SLC30A6: variants seen among roughly 807,000 people sequenced by gnomAD.
SLC30A6 encodes the protein solute carrier family 30 member 6.
A neutral mutation model predicts 63.0 loss-of-function variants in SLC30A6; 55 were observed. The observed-to-expected ratio is 0.87, with a 90% CI of 0.70 to 1.09. The LOEUF (loss-of-function observed/expected upper bound fraction) is 1.09, where lower values mean the gene tolerates loss of function less well. SLC30A6 is among the 50% of genes least tolerant of loss of function. The pLI is 0.00. For synonymous variants in SLC30A6, 224 were observed against 186.1 expected, an observed-to-expected ratio of 1.20 and a Z score of -1.66; for missense variants, 587 against 549.2, an observed-to-expected ratio of 1.07 and a Z score of -0.69.
Position 32,206,869 on chromosome 2 carries a change from A to C in SLC30A6, c.769-17A>C. The C allele has an allele frequency of 6.2e-7, 1 of 1,605,344 alleles. No individual in the cohort carries two copies. The highest frequency in any genetic ancestry group is 8.5e-7 in the Non-Finnish European group (1 of 1,172,344). On this transcript the variant is annotated splice_polypyrimidine_tract_variant and intron_variant, in intron 11 of 13. Coordinates refer to ENST00000282587, the MANE Select transcript of SLC30A6 (RefSeq NM_017964.5). ...TTCCTTCCCCCATTATTCATATTTT[A>C]TTGTATTTTTCCCCAGACAACACCA...
intron 5 of SLC30A6, among the ~76,000 whole-genome samples, chr2:32,186,266 C>T (rs905273252): frequency 3.9e-5 from 6 of 152,176 alleles, no homozygotes; most frequent in African/African-American, 9.7e-5. Flanking sequence ...AGCTCCTGGC[C>T]TCAAAGTGCC....
intron 12 of SLC30A6, among the ~76,000 whole-genome samples, chr2:32,209,152 G>A (rs1246129864): frequency 6.6e-6 from 1 of 152,160 alleles, no homozygotes; most frequent in African/African-American, 2.4e-5. Flanking sequence ...TAAAAAATCT[G>A]ATACCACAAA....
chr2:32,175,850 G>A (rs1681691884), intron 4 of SLC30A6, among the ~76,000 whole-genome samples: 2 of 152,120 alleles, frequency 1.3e-5, no homozygotes, highest in African/African-American at 4.8e-5. Flanking sequence ...GTGTATGCCT[G>A]TAGTCCCAGC....
At chr2:32,204,357 C>T (rs1311383503) in intron 10 of SLC30A6, among the ~76,000 whole-genome samples, 2 of 152,072 alleles carry the variant, frequency 1.3e-5, no homozygotes, top group East Asian at 3.8e-4. Flanking sequence ...ATACCTCTTC[C>T]TACTAATTAA....
intron 7 of SLC30A6, 100 bp downstream of exon 7, chr2:32,193,053 A>G (rs1375606116): frequency 5.3e-6 from 4 of 754,458 alleles, no homozygotes; most frequent in Non-Finnish European, 8.4e-6. Flanking sequence ...GACTGTGGCA[A>G]CATAACGTTT....
chr2:32,167,482 A>G (rs1277646746), intron 1 of SLC30A6, among the ~76,000 whole-genome samples: 1 of 150,364 alleles, frequency 6.7e-6, no homozygotes, highest in Non-Finnish European at 1.5e-5. Context: ...GAGCCTTTGT[A>G]CCTAATTTGC....
intron 5 of SLC30A6, among the ~76,000 whole-genome samples, chr2:32,185,639 G>A (rs1682734379): frequency 6.6e-6 from 1 of 151,864 alleles, no homozygotes; most frequent in Non-Finnish European, 1.5e-5. Flanking sequence ...ATGGGAAGAA[G>A]TAAACAAAAA....
rs778222757 is a variant in SLC30A6 at position 32,171,359 on chromosome 2, G to A, written c.76G>A (p.Ala26Thr). 6.2e-7 allele frequency: 1 copy of A among 1,613,590 alleles called. No individual in the cohort carries two copies. The highest frequency in any genetic ancestry group is 1.7e-5 in the Admixed American group (1 of 60,004). ...GTTGTTACGGGAATTTAGACTTGTAGCAGCTGACCGAAGGGTAAGTTATTC... is the reference window on the plus strand; with the variant it reads ...GTTGTTACGGGAATTTAGACTTGTAACAGCTGACCGAAGGGTAAGTTATTC... Reference protein sequence around the residue: ...GKLLREFRLVAADRRSWKILL... With the variant: ...GKLLREFRLVTADRRSWKILL... Residue 26 changes from alanine (A) to threonine (T), a missense_variant, in exon 2 of 14, where the codon GCA (alanine) becomes ACA (threonine). Coordinates refer to ENST00000282587, the MANE Select transcript of SLC30A6 (RefSeq NM_017964.5).
chr2:32,194,085 C>A, intron 8 of SLC30A6, 102 bp downstream of exon 8: 1 of 920,944 alleles, frequency 1.1e-6, no homozygotes, highest in Admixed American at 2.8e-5. Flanking sequence ...GAAGTATATT[C>A]TGAAGACAAG....
At chr2:32,177,242 A>G (rs1681836172) in intron 4 of SLC30A6, among the ~76,000 whole-genome samples, 1 of 152,190 alleles carries the variant, frequency 6.6e-6, no homozygotes, top group African/African-American at 2.4e-5. Flanking sequence ...GTGGAATCAT[A>G]CAATATACAG....
chr2:32,171,145 G>C, intron 1 of SLC30A6, 142 bp from the exon 2 acceptor site: 1 of 570,624 alleles, frequency 1.8e-6, no homozygotes, highest in Non-Finnish European at 3.1e-6. Context: ...TACACATAAA[G>C]TGTCTAGAAT....
chr2:32,182,833 G>A (rs918739744), intron 4 of SLC30A6, among the ~76,000 whole-genome samples: 9 of 152,152 alleles, frequency 5.9e-5, no homozygotes, highest in East Asian at 3.8e-4. Flanking sequence ...TAGGTTACAT[G>A]TGTCAGGTGC....
intron 4 of SLC30A6, among the ~76,000 whole-genome samples, chr2:32,180,380 G>A (rs181113437): frequency 6.6e-6 from 1 of 151,488 alleles, no homozygotes; most frequent in African/African-American, 2.4e-5. Context: ...ATCCAGTCTT[G>A]GGTCTTGGTG....
At chr2:32,171,475 C>A in intron 2 of SLC30A6, 102 bp downstream of exon 2, 1 of 793,962 alleles carries the variant, frequency 1.3e-6, no homozygotes, top group Non-Finnish European at 2.0e-6. Context: ...CCTGATCCTG[C>A]CACACTGTTT....
intron 7 of SLC30A6, among the ~76,000 whole-genome samples, chr2:32,193,355 G>A (rs530478321): frequency 4.6e-5 from 7 of 152,150 alleles, no homozygotes; most frequent in South Asian, 2.1e-4. Context: ...CAGGAGGATC[G>A]CTTGAGTTCA....
In SLC30A6 at chr2:32,223,874, T is replaced by C. The variant is rs1443696300; in HGVS notation, c.*3161T>C. Reference sequence around the variant, plus strand: ...TGGGAAACATCTTCCCTTTCTTCTTTAATCTCTGAAGTCATGTTTGGAATT... The same window carrying C: ...TGGGAAACATCTTCCCTTTCTTCTTCAATCTCTGAAGTCATGTTTGGAATT... On this transcript the variant is annotated 3_prime_UTR_variant, in exon 14 of 14. Coordinates refer to ENST00000282587, the MANE Select transcript of SLC30A6 (RefSeq NM_017964.5). The C allele has an allele frequency of 2.0e-5, 3 of 152,222 alleles. No homozygotes were observed. The highest frequency in any genetic ancestry group is 7.2e-5 in the African/African-American group (3 of 41,460). 9.4% of individuals were successfully genotyped at this position (152,222 alleles called of 1,614,324 possible).
intron 4 of SLC30A6, among the ~76,000 whole-genome samples, chr2:32,183,351 T>C (rs935659937): frequency 6.6e-6 from 1 of 152,056 alleles, no homozygotes; most frequent in African/African-American, 2.4e-5. Flanking sequence ...AATACTTTGA[T>C]GTCTTCAAGA....
At chr2:32,200,267 C>T (rs1017363663) in intron 10 of SLC30A6, among the ~76,000 whole-genome samples, 4 of 151,938 alleles carry the variant, frequency 2.6e-5, no homozygotes, top group African/African-American at 9.7e-5. Flanking sequence ...TTGCTAGTTA[C>T]CTTTTATTTT....
At chr2:32,170,050 GT>G (rs909682637) in intron 1 of SLC30A6, among the ~76,000 whole-genome samples, 3 of 152,028 alleles carry the variant, frequency 2.0e-5, no homozygotes, top group East Asian at 1.9e-4. Flanking sequence ...CCTTCTTAAA[GT>G]TTTTTTCCCC....
Sources: allele counts gnomAD v4.1 joint callset (sites outside exome capture counted in the v4.1 genomes callset), GRCh38; gene constraint gnomAD v4.1.1; transcripts MANE v1.5; gene names NCBI Gene and HGNC (gene_info 2026-07-23, HGNC 2026-07-21).